Variants in DLGAP2 observed in about 807,000 individuals in gnomAD.
The protein encoded by DLGAP2 is DLG associated protein 2, also known as disks large-associated protein 2.
Under a neutral mutation model 100.3 loss-of-function variants are expected in DLGAP2, and 26 were observed. The observed-to-expected ratio is 0.26, with a 90% CI of 0.19 to 0.36. The LOEUF is 0.36. DLGAP2 is among the 10% of genes least tolerant of loss of function. The pLI, the probability that DLGAP2 is intolerant of heterozygous loss-of-function variation, is 1.00. For missense variants in DLGAP2, 1,858 were observed against 1,453.2 expected, an observed-to-expected ratio of 1.28 and a Z score of -4.53; for synonymous variants, 886 against 630.1, an observed-to-expected ratio of 1.41 and a Z score of -6.08.
At chr8:1,126,758 T>C (rs1796174442) in intron 2 of DLGAP2, among the ~76,000 whole-genome samples, 1 of 152,074 alleles carries the variant, frequency 6.6e-6, no homozygotes, top group Non-Finnish European at 1.5e-5. Flanking sequence ...AGGAAAGATG[T>C]GCAGAGACTC....
At position 1,123,858 on chromosome 8, in the gene DLGAP2, C is replaced by T. The variant is rs1040585413; in HGVS notation, c.74-134993C>T. 2.0e-5 allele frequency among the ~76,000 whole-genome samples: 3 copies of T among 152,008 alleles called. No homozygotes were observed. The East Asian group carries it at 5.8e-4, about 29-fold the overall frequency. Reference sequence around the variant, plus strand: ...CTCACCTTTTCCTCAGTATTCTTTCCTGTTTGCCTAAAAATTATTTTATTT... The same window carrying T: ...CTCACCTTTTCCTCAGTATTCTTTCTTGTTTGCCTAAAAATTATTTTATTT... On this transcript the variant is annotated intron_variant, in intron 2 of 14. Coordinates refer to ENST00000637795, the MANE Select transcript of DLGAP2 (RefSeq NM_001346810.2).
At chr8:1,347,706 A>G (rs1383481212) in intron 3 of DLGAP2, among the ~76,000 whole-genome samples, 3 of 150,710 alleles carry the variant, frequency 2.0e-5, no homozygotes, top group African/African-American at 7.4e-5. Context: ...GAGTTCCTAT[A>G]CAGAGCTGCG....
intron 7 of DLGAP2, among the ~76,000 whole-genome samples, chr8:1,631,045 G>T (rs1019571307): frequency 6.6e-6 from 1 of 150,836 alleles, no homozygotes; most frequent in Non-Finnish European, 1.5e-5. Context: ...CGGGAGGTCC[G>T]GGTGCCCCAA....
At chr8:1,341,582 C>G (rs1801419331) in intron 3 of DLGAP2, among the ~76,000 whole-genome samples, 1 of 152,146 alleles carries the variant, frequency 6.6e-6, no homozygotes. Context: ...CTGTGGCTGA[C>G]CCCGTACAAA....
chr8:956,852 G>A (rs776795901), intron 2 of DLGAP2, among the ~76,000 whole-genome samples: 1 of 152,190 alleles, frequency 6.6e-6, no homozygotes, highest in Non-Finnish European at 1.5e-5. Flanking sequence ...CAGGATTATT[G>A]TGGTTGTCCA....
chr8:1,086,073 G>A (rs1803964383), intron 2 of DLGAP2, among the ~76,000 whole-genome samples: 1 of 151,970 alleles, frequency 6.6e-6, no homozygotes. Context: ...AAAGTTTATT[G>A]TTAGTGTAGA....
At chr8:1,670,448 CCTTT>C (rs1798662242) in intron 10 of DLGAP2, among the ~76,000 whole-genome samples, 1 of 152,182 alleles carries the variant, frequency 6.6e-6, no homozygotes, top group Non-Finnish European at 1.5e-5. Context: ...TCAGCCTGTG[CCTTT>C]ACCCCTTCCC....
chr8:1,317,924 TCGTCAGCGTTTAAAAATAGAGCG>T (rs1800801591), intron 3 of DLGAP2, among the ~76,000 whole-genome samples: 1 of 97,686 alleles, frequency 1.0e-5, no homozygotes, highest in Non-Finnish European at 2.0e-5. Flanking sequence ...CTCGAGACAC[TCGTCAGCGTTTAAAAATAGAGCG>T]TGTGCGAGTG....
rs1254183613 is a variant in DLGAP2, at chr8:1,678,485, G to T, written c.2560G>T (p.Asp854Tyr). The change falls in exon 12 of 15, where the codon GAC becomes TAC. Residue 854 changes from aspartate (D) to tyrosine (Y), a missense_variant. Physicochemically the swap from Asp to Tyr is radical, Grantham distance 160. Coordinates refer to ENST00000637795, the MANE Select transcript of DLGAP2 (RefSeq NM_001346810.2). ...AGACCCCTGGCTGGAGCCCGCCATCGACACGGTAGAGACTGGGAGGATGTC... is the reference window on the plus strand; with the variant it reads ...AGACCCCTGGCTGGAGCCCGCCATCTACACGGTAGAGACTGGGAGGATGTC... ...PPDPWLEPAI[D>Y]TVETGRMSPC... The T allele has an allele frequency of 1.9e-6, 3 of 1,613,092 alleles. No homozygotes were observed. Among genetic ancestry groups the T allele is most frequent in the Non-Finnish European group, 2.5e-6 (3 of 1,179,552 alleles).
intron 4 of DLGAP2, among the ~76,000 whole-genome samples, chr8:1,516,781 G>A (rs1385258088): frequency 6.6e-6 from 1 of 151,990 alleles, no homozygotes; most frequent in African/African-American, 2.4e-5. Flanking sequence ...ATGAGTGAGT[G>A]AATCAGTGAG....
At chr8:1,660,273 G>A (rs1164930862) in intron 8 of DLGAP2, among the ~76,000 whole-genome samples, 1 of 152,064 alleles carries the variant, frequency 6.6e-6, no homozygotes, top group Non-Finnish European at 1.5e-5. Flanking sequence ...CTGGAGGGCT[G>A]CTTTTCATTA....
At chr8:1,553,856 G>A (rs1358684262) in intron 5 of DLGAP2, among the ~76,000 whole-genome samples, 1 of 152,158 alleles carries the variant, frequency 6.6e-6, no homozygotes, top group African/African-American at 2.4e-5. Flanking sequence ...TTTCCAGTTA[G>A]GTACAAAAAC....
intron 2 of DLGAP2, among the ~76,000 whole-genome samples, chr8:972,750 G>A (rs1279443908): frequency 6.6e-6 from 1 of 152,172 alleles, no homozygotes; most frequent in Non-Finnish European, 1.5e-5. Context: ...GGTTTTCCTA[G>A]GCAGAGGACC....
chr8:757,918 G>A (rs1294652976), intron 1 of DLGAP2, among the ~76,000 whole-genome samples: 2 of 152,162 alleles, frequency 1.3e-5, no homozygotes, highest in Admixed American at 6.5e-5. Context: ...CCACCTCTGC[G>A]CTCATTAGTG....
intron 2 of DLGAP2, among the ~76,000 whole-genome samples, chr8:940,084 T>C (rs1003251534): frequency 2.0e-5 from 3 of 151,978 alleles, no homozygotes; most frequent in Non-Finnish European, 4.4e-5. Flanking sequence ...GCTTGGAATG[T>C]GAACGAAGGC....
chr8:1,252,149 C>T (rs562809117), intron 2 of DLGAP2, among the ~76,000 whole-genome samples: 1 of 150,604 alleles, frequency 6.6e-6, no homozygotes, highest in East Asian at 2.0e-4. Flanking sequence ...GTGGTGTTGT[C>T]ACACGGGTGT....
intron 2 of DLGAP2, among the ~76,000 whole-genome samples, chr8:954,275 C>T (rs560386108): frequency 6.6e-6 from 1 of 152,274 alleles, no homozygotes; most frequent in East Asian, 1.9e-4. Context: ...ACTATAGTCA[C>T]CATGTTGTAC....
At chr8:1,349,629 C>G (rs4523285) in intron 3 of DLGAP2, among the ~76,000 whole-genome samples, 10,577 of 46,676 alleles carry the variant, frequency 0.23, 89 homozygotes, top group East Asian at 0.42. Context: ...TCATGAGCCT[C>G]CCGCCCACAT....
chr8:1,610,066 C>G (rs1027555251), intron 6 of DLGAP2, among the ~76,000 whole-genome samples: 11 of 151,350 alleles, frequency 7.3e-5, no homozygotes, highest in African/African-American at 1.9e-4. Context: ...ACTCTCCACC[C>G]CAAATCAACA....
Sources: allele counts gnomAD v4.1 joint callset (sites outside exome capture counted in the v4.1 genomes callset), GRCh38; gene constraint gnomAD v4.1.1; transcripts MANE v1.5; gene names NCBI Gene and HGNC (gene_info 2026-07-23, HGNC 2026-07-21).